The following SHISA9 variants were observed in gnomAD, a reference collection of about 807,000 sequenced individuals.
The protein encoded by SHISA9 is protein shisa-9.
In SHISA9, 13 loss-of-function variants were observed where a neutral mutation model predicts 38.0. That is an observed-to-expected ratio of 0.34 (90% CI 0.22 to 0.54). The LOEUF is 0.54. Ranked by LOEUF, SHISA9 falls within the 20% of genes least tolerant of loss-of-function variation. The pLI is 0.91. For synonymous variants in SHISA9, 275 were observed against 242.0 expected, an observed-to-expected ratio of 1.14 and a Z score of -1.27; for missense variants, 538 against 575.8, an observed-to-expected ratio of 0.93 and a Z score of 0.67.
the SHISA9 span, among the ~76,000 whole-genome samples, chr16:13,332,892 G>A: frequency 6.6e-6 from 1 of 152,232 alleles, no homozygotes; most frequent in Non-Finnish European, 1.5e-5. Flanking sequence ...CTGTGGTCCA[G>A]CTGCCAGCAA....
the SHISA9 span, among the ~76,000 whole-genome samples, chr16:13,484,465 T>A: frequency 8.3e-3 from 1,267 of 152,206 alleles, 24 homozygotes; most frequent in African/African-American, 0.029. Flanking sequence ...CTCCTCTTCC[T>A]CTCAAGTAGC....
At chr16:13,195,507 C>A (rs2050928898) in intron 2 of SHISA9, among the ~76,000 whole-genome samples, 1 of 152,144 alleles carries the variant, frequency 6.6e-6, no homozygotes. Context: ...GTAGATATTT[C>A]TTCCACTCAA....
At position 13,124,632 on chromosome 16, in the gene SHISA9, G is replaced by T. The variant is rs1182942037; in HGVS notation, c.692-78762G>T. ...GTGAAGACAATCCTAAAACTTATAT[G>T]GAACCACAAAAGACCCAGAATAGCC... On this transcript the variant is annotated intron_variant, in intron 2 of 4. Transcript: ENST00000558583. 1.1e-4 allele frequency among the ~76,000 whole-genome samples: 16 copies of T among 152,178 alleles called. No homozygotes were observed. The East Asian group carries it at 3.1e-3, about 29-fold the overall frequency.
chr16:13,378,980 G>A, the SHISA9 span, among the ~76,000 whole-genome samples: 2 of 152,150 alleles, frequency 1.3e-5, no homozygotes, highest in Non-Finnish European at 2.9e-5. Flanking sequence ...TGTTAAATAA[G>A]AAAATAGATG....
chr16:12,921,909 C>T (rs1481149446), intron 2 of SHISA9, among the ~76,000 whole-genome samples: 2 of 152,142 alleles, frequency 1.3e-5, no homozygotes, highest in Non-Finnish European at 2.9e-5. Context: ...CATTATAAAA[C>T]TCCAAAACAT....
chr16:13,027,754 C>G (rs2072940542), intron 2 of SHISA9, among the ~76,000 whole-genome samples: 1 of 151,726 alleles, frequency 6.6e-6, no homozygotes, highest in East Asian at 1.9e-4. Context: ...TGGTGAAACC[C>G]TGTCTCTACT....
intron 2 of SHISA9, among the ~76,000 whole-genome samples, chr16:13,010,626 C>T (rs1403977134): frequency 6.6e-6 from 1 of 152,156 alleles, no homozygotes; most frequent in Non-Finnish European, 1.5e-5. Context: ...ATCAGAATTC[C>T]TCTACACTGA....
At chr16:12,941,124 T>G (rs138172882) in intron 2 of SHISA9, among the ~76,000 whole-genome samples, 1 of 152,026 alleles carries the variant, frequency 6.6e-6, no homozygotes, top group Non-Finnish European at 1.5e-5. Flanking sequence ...GGCTGAGGTG[T>G]GTGGATCACT....
At chr16:13,283,532 G>C in the SHISA9 span, among the ~76,000 whole-genome samples, 1 of 152,050 alleles carries the variant, frequency 6.6e-6, no homozygotes, top group Non-Finnish European at 1.5e-5. Context: ...GAGAATGAGA[G>C]CCAAGCAAAA....
the SHISA9 span, among the ~76,000 whole-genome samples, chr16:13,366,587 A>C: frequency 6.6e-6 from 1 of 152,092 alleles, no homozygotes; most frequent in African/African-American, 2.4e-5. Flanking sequence ...TCATGCCTGT[A>C]ATCCCAGCAC....
At chr16:13,437,077 G>C in the SHISA9 span, among the ~76,000 whole-genome samples, 1 of 152,092 alleles carries the variant, frequency 6.6e-6, no homozygotes. Context: ...CTCCCACCGG[G>C]TCCCTCCCAT....
the SHISA9 span, among the ~76,000 whole-genome samples, chr16:13,250,283 A>G: frequency 3.3e-5 from 5 of 152,140 alleles, no homozygotes; most frequent in Non-Finnish European, 5.9e-5. Context: ...CTTAAAGCTT[A>G]GGGGTGGAGG....
chr16:13,471,506 T>C, the SHISA9 span, among the ~76,000 whole-genome samples: 7 of 152,212 alleles, frequency 4.6e-5, no homozygotes, highest in East Asian at 9.7e-4. Flanking sequence ...GATGAGTGTG[T>C]GTTCCTTCCA....
chr16:13,196,352 G>C lies in SHISA9; in HGVS notation c.692-7042G>C, dbSNP rs1161649320. On this transcript the variant is annotated intron_variant, in intron 2 of 4. Coordinates refer to ENST00000558583, the MANE Select transcript of SHISA9 (RefSeq NM_001145204.3). ...GCGGAGCTTGCAGTGAGCCGAGATT[G>C]CACCACTGCACTCCAGCCTGGGCGA... Among the ~76,000 whole-genome samples the C allele has an allele frequency of 2.8e-5, 4 of 140,820 alleles. No homozygotes were observed. In the East Asian group the frequency reaches 8.4e-4, roughly 30 times the overall value. The allele number at this position is 140,820 out of a possible 152,430, so 92.4% of individuals were successfully genotyped here.
chr16:13,190,195 G>C (rs940530832), intron 2 of SHISA9, among the ~76,000 whole-genome samples: 6 of 151,476 alleles, frequency 4.0e-5, no homozygotes, highest in Non-Finnish European at 8.8e-5. Flanking sequence ...TTGTCATCCA[G>C]CATTAGGTAT....
the SHISA9 span, among the ~76,000 whole-genome samples, chr16:13,469,254 GAAGA>G: frequency 1.4e-5 from 2 of 146,734 alleles, no homozygotes; most frequent in Non-Finnish European, 1.5e-5. Flanking sequence ...AAAAAAAAGA[GAAGA>G]AAGTAAGGTA....
At chr16:13,553,056 C>T in the SHISA9 span, among the ~76,000 whole-genome samples, 4 of 152,094 alleles carry the variant, frequency 2.6e-5, no homozygotes, top group Non-Finnish European at 4.4e-5. Flanking sequence ...TCCATTGTGA[C>T]AACAAAAAAT....
the SHISA9 span, among the ~76,000 whole-genome samples, chr16:13,515,310 G>T: frequency 1.3e-5 from 2 of 152,082 alleles, no homozygotes; most frequent in African/African-American, 4.8e-5. Flanking sequence ...ATTTCCTCAG[G>T]CAGAAGAAAC....
the SHISA9 span, among the ~76,000 whole-genome samples, chr16:13,406,549 G>T: frequency 1.3e-5 from 2 of 152,108 alleles, no homozygotes; most frequent in Non-Finnish European, 2.9e-5. Context: ...CTACTGTCTT[G>T]TACTCCTTCT....
Sources: gnomAD v4.1 joint callset for allele counts (sites outside exome capture counted in the v4.1 genomes callset) on GRCh38, gnomAD v4.1.1 for gene constraint, MANE v1.5 for transcripts, NCBI Gene and HGNC (gene_info 2026-07-23, HGNC 2026-07-21) for gene names.